The following RAD51B variants were observed in gnomAD, a reference collection of about 807,000 sequenced individuals.
RAD51B encodes the protein RAD51 paralog B, also known as DNA repair protein RAD51 homolog 2.
In RAD51B, 38 loss-of-function variants were observed where a neutral mutation model predicts 42.2. The ratio of observed to expected loss-of-function variants is 0.90; its 90% confidence interval spans 0.70 to 1.18. The LOEUF is 1.18. RAD51B is among the 50% of genes most tolerant of loss of function. RAD51B has a pLI of 0.00. For synonymous variants in RAD51B, 154 were observed against 145.2 expected (o/e 1.06, Z -0.43); for missense variants, 373 against 400.7 (o/e 0.93, Z 0.59).
chr14:68,096,736 C>T (rs2077202553), intron 7 of RAD51B, among the ~76,000 whole-genome samples: 2 of 152,170 alleles, frequency 1.3e-5, no homozygotes, highest in South Asian at 4.1e-4. Flanking sequence ...TTCCTCTTTA[C>T]TTTGGTTGCC....
chr14:68,302,913 G>A (rs535255745), intron 8 of RAD51B, among the ~76,000 whole-genome samples: 8 of 152,326 alleles, frequency 5.3e-5, no homozygotes, highest in South Asian at 2.1e-4. Context: ...ACCTTCCAGC[G>A]TGGGCATTAT....
At chr14:68,367,982 G>T (rs984417924) in intron 8 of RAD51B, among the ~76,000 whole-genome samples, 9 of 152,194 alleles carry the variant, frequency 5.9e-5, no homozygotes, top group African/African-American at 2.2e-4. Context: ...TTTTAGAATT[G>T]ATTCTTATCT....
intron 7 of RAD51B, among the ~76,000 whole-genome samples, chr14:68,267,810 T>C (rs2081022405): frequency 6.6e-6 from 1 of 152,262 alleles, no homozygotes; most frequent in Admixed American, 6.5e-5. Flanking sequence ...ATAAAAATGT[T>C]AGTGGCTGCT....
intron 7 of RAD51B, among the ~76,000 whole-genome samples, chr14:68,022,036 A>G (rs572360781): frequency 3.5e-4 from 53 of 152,310 alleles, no homozygotes; most frequent in African/African-American, 1.3e-3. Context: ...TTGCTTGGTA[A>G]TAAGAGTAGT....
intron 8 of RAD51B, among the ~76,000 whole-genome samples, chr14:68,396,417 C>T (rs779529272): frequency 6.4e-4 from 98 of 152,082 alleles, no homozygotes; most frequent in Non-Finnish European, 1.3e-3. Flanking sequence ...AGAGTGAACA[C>T]TGATAAAATA....
At chr14:67,898,878 G>T (rs916015359) in intron 7 of RAD51B, among the ~76,000 whole-genome samples, 5 of 152,060 alleles carry the variant, frequency 3.3e-5, no homozygotes, top group Admixed American at 3.3e-4. Context: ...TGGTTTAAAG[G>T]TTTTATTATC....
At chr14:67,851,786 A>G (rs1856487670) in intron 4 of RAD51B, among the ~76,000 whole-genome samples, 1 of 152,092 alleles carries the variant, frequency 6.6e-6, no homozygotes. Flanking sequence ...CTGCAGTGGC[A>G]GAGGGCCTGT....
chr14:68,251,434 C>T (rs889775929), intron 7 of RAD51B, among the ~76,000 whole-genome samples: 5 of 152,184 alleles, frequency 3.3e-5, no homozygotes, highest in African/African-American at 1.2e-4. Context: ...AGTCCTTTTT[C>T]TATTTTAAAT....
chr14:68,458,858 A>G (rs1352168105), intron 9 of RAD51B, among the ~76,000 whole-genome samples: 2 of 152,128 alleles, frequency 1.3e-5, no homozygotes, highest in Non-Finnish European at 2.9e-5. Flanking sequence ...ATTTTCCAGC[A>G]CTGTATTACT....
At chr14:67,890,502 G>A (rs571841939) in intron 7 of RAD51B, among the ~76,000 whole-genome samples, 28 of 151,476 alleles carry the variant, frequency 1.8e-4, no homozygotes, top group African/African-American at 6.5e-4. Context: ...GGGTACATGT[G>A]CACAATGTGC....
chr14:68,304,387 T>G (rs975638400), intron 8 of RAD51B, among the ~76,000 whole-genome samples: 1 of 152,176 alleles, frequency 6.6e-6, no homozygotes. Flanking sequence ...GCATAACTAG[T>G]AATTAGTTGG....
At chr14:68,333,029 T>C (rs2082379733) in intron 8 of RAD51B, among the ~76,000 whole-genome samples, 1 of 152,140 alleles carries the variant, frequency 6.6e-6, no homozygotes, top group African/African-American at 2.4e-5. Flanking sequence ...GAGGACCCTG[T>C]CCACAACCCA....
chr14:68,579,377 G>A (rs1451544693), intron 10 of RAD51B, among the ~76,000 whole-genome samples: 3 of 152,176 alleles, frequency 2.0e-5, no homozygotes, highest in Non-Finnish European at 2.9e-5. Flanking sequence ...AGAATGTAAC[G>A]TAGGTGCACC....
At chr14:67,933,748 T>G (rs10873210) in intron 7 of RAD51B, among the ~76,000 whole-genome samples, 46,688 of 151,740 alleles carry the variant, frequency 0.31, 9,781 homozygotes, top group African/African-American at 0.6. Context: ...TGTTCTATTA[T>G]AGGTGTGATT....
At chr14:68,291,855 C>T (rs772007612) in intron 7 of RAD51B, 29 bp from the exon 8 acceptor site, 59 of 1,550,936 alleles carry the variant, frequency 3.8e-5, no homozygotes, top group Non-Finnish European at 5.0e-5. Context: ...CTCCCTTGCC[C>T]CCTACCCCTT....
At chr14:67,861,975 TG>T (rs148295093) in intron 4 of RAD51B, among the ~76,000 whole-genome samples, 9,127 of 135,912 alleles carry the variant, frequency 0.067, 662 homozygotes, top group African/African-American at 0.2. Context: ...TTTCAGTCAG[TG>T]GGGGGGAAGG....
At chr14:68,221,487 C>T (rs2079925893) in intron 7 of RAD51B, among the ~76,000 whole-genome samples, 1 of 152,160 alleles carries the variant, frequency 6.6e-6, no homozygotes, top group African/African-American at 2.4e-5. Flanking sequence ...TGGCAAGCCA[C>T]ATGTAGGAGA....
intron 7 of RAD51B, among the ~76,000 whole-genome samples, chr14:68,076,181 C>T (rs1015347547): frequency 2.6e-5 from 4 of 152,178 alleles, no homozygotes; most frequent in African/African-American, 9.7e-5. Context: ...TTCTATGTGT[C>T]AGTTTCCTAA....
intron 7 of RAD51B, among the ~76,000 whole-genome samples, chr14:67,893,499 C>CA (rs1224466170): frequency 9.7e-5 from 8 of 82,486 alleles, no homozygotes; most frequent in Non-Finnish European, 1.5e-4. Context: ...CACACACACA[C>CA]ACACACACAC....
Sources: gnomAD v4.1 joint callset for allele counts (sites outside exome capture counted in the v4.1 genomes callset) on GRCh38, gnomAD v4.1.1 for gene constraint, MANE v1.5 for transcripts, NCBI Gene and HGNC (gene_info 2026-07-23, HGNC 2026-07-21) for gene names.